DAB1: variants seen among roughly 807,000 people sequenced by gnomAD.
DAB1 encodes the protein DAB adaptor protein 1, also known as disabled homolog 1.
Under a neutral mutation model 64.6 loss-of-function variants are expected in DAB1, and 15 were observed. The observed-to-expected ratio is 0.23, with a 90% confidence interval of 0.16 to 0.36. DAB1 has a LOEUF of 0.36. DAB1 is among the 10% of genes least tolerant of loss of function. The pLI is 1.00. For synonymous variants in DAB1, 235 were observed against 251.9 expected (o/e 0.93, Z 0.64); for missense variants, 596 against 706.7 (o/e 0.84, Z 1.78).
intron 1 of DAB1, among the ~76,000 whole-genome samples, chr1:57,378,405 G>A (rs552572348): frequency 1.4e-4 from 22 of 152,322 alleles, no homozygotes; most frequent in Admixed American, 7.2e-4. Context: ...TGACGAGCTA[G>A]TTTTAAATCC....
chr1:58,305,006 G>T (rs1662273732), intron 4 of DAB1, among the ~76,000 whole-genome samples: 1 of 151,904 alleles, frequency 6.6e-6, no homozygotes, highest in African/African-American at 2.4e-5. Context: ...TAGTGAGGAG[G>T]TCTTGCTATG....
At chr1:57,373,847 A>C (rs776257533) in intron 1 of DAB1, among the ~76,000 whole-genome samples, 1 of 152,176 alleles carries the variant, frequency 6.6e-6, no homozygotes, top group Middle Eastern at 3.2e-3. Flanking sequence ...TGCAAATTAT[A>C]TATCTGTGGC....
chr1:57,166,208 C>G (rs1448220732), intron 2 of DAB1, among the ~76,000 whole-genome samples: 1 of 152,066 alleles, frequency 6.6e-6, no homozygotes, highest in Non-Finnish European at 1.5e-5. Context: ...GTTAAAAAAG[C>G]TTACAATAGA....
At chr1:57,875,903 A>G (rs1334517365) in intron 1 of DAB1, among the ~76,000 whole-genome samples, 1 of 152,150 alleles carries the variant, frequency 6.6e-6, no homozygotes. Context: ...AGACAAAAGG[A>G]CATTTCTGAA....
At chr1:58,064,467 G>A (rs1200870539) in intron 5 of DAB1, among the ~76,000 whole-genome samples, 1 of 152,080 alleles carries the variant, frequency 6.6e-6, no homozygotes, top group East Asian at 1.9e-4. Context: ...GCTGGCCTTG[G>A]GTTAGGCGCT....
In DAB1 at chr1:57,182,128, G is replaced by A. The variant is rs369233669; in HGVS notation, c.68-36699C>T. Among the ~76,000 whole-genome samples, 82 of 152,218 alleles carry A rather than the reference G, an allele frequency of 5.4e-4. 1 individual carries two copies. The highest frequency in any genetic ancestry group is 2.7e-3 in the South Asian group (13 of 4,816). On this transcript the variant is annotated intron_variant, in intron 2 of 14. Coordinates refer to ENST00000371236, the MANE Select transcript of DAB1 (RefSeq NM_001365792.1). The stretch of plus-strand genomic sequence containing the variant: ...TCTCGATCTCCTGACCTTGTGATCT[G>A]CCCGCCTTGGCCTCCCAAATTGTTG...
chr1:56,998,881 T>A (rs1481912859), intron 14 of DAB1, among the ~76,000 whole-genome samples: 1 of 152,192 alleles, frequency 6.6e-6, no homozygotes, highest in African/African-American at 2.4e-5. Context: ...GGAAACAGCG[T>A]TCGGCCCTAT....
At chr1:58,091,109 T>C (rs1047111706) in intron 5 of DAB1, among the ~76,000 whole-genome samples, 4 of 152,196 alleles carry the variant, frequency 2.6e-5, no homozygotes, top group African/African-American at 7.2e-5. Context: ...ACAGACTCCT[T>C]AGCCCCCTCC....
At chr1:58,053,199 A>G (rs1375422429) in intron 5 of DAB1, among the ~76,000 whole-genome samples, 1 of 151,906 alleles carries the variant, frequency 6.6e-6, no homozygotes, top group East Asian at 1.9e-4. Flanking sequence ...ACAAAACCCC[A>G]CTCTTGGTAC....
chr1:57,403,719 A>G (rs2101037825), intron 1 of DAB1, among the ~76,000 whole-genome samples: 1 of 152,346 alleles, frequency 6.6e-6, no homozygotes, highest in East Asian at 1.9e-4. Context: ...ATGGAAAACA[A>G]AATCCCAGCC....
At chr1:57,636,916 G>T (rs1427776095) in intron 7 of DAB1, among the ~76,000 whole-genome samples, 1 of 152,088 alleles carries the variant, frequency 6.6e-6, no homozygotes, top group Non-Finnish European at 1.5e-5. Flanking sequence ...TATAAATATG[G>T]ATAAATATGG....
upstream of DAB1, among the ~76,000 whole-genome samples, chr1:57,884,949 TCCA>T (rs1288367926): frequency 6.6e-6 from 1 of 152,174 alleles, no homozygotes; most frequent in Non-Finnish European, 1.5e-5. Context: ...CCTCTCCCCT[TCCA>T]CCATGAAGGG....
intron 7 of DAB1, among the ~76,000 whole-genome samples, chr1:57,542,798 A>G (rs990798511): frequency 2.0e-5 from 3 of 152,002 alleles, no homozygotes; most frequent in African/African-American, 4.8e-5. Flanking sequence ...CTCTCCCACA[A>G]TGTATCAGGG....
chr1:58,198,759 T>C (rs1657833496), intron 4 of DAB1, among the ~76,000 whole-genome samples: 1 of 152,188 alleles, frequency 6.6e-6, no homozygotes, highest in African/African-American at 2.4e-5. Flanking sequence ...CTTTTGTTTG[T>C]ACTGTAGGAA....
intron 7 of DAB1, among the ~76,000 whole-genome samples, chr1:57,587,734 G>A (rs1481012924): frequency 1.3e-5 from 2 of 152,218 alleles, no homozygotes; most frequent in African/African-American, 2.4e-5. Context: ...CACAATTGAA[G>A]ACACTGAGGC....
intron 4 of DAB1, among the ~76,000 whole-genome samples, chr1:57,076,729 A>C (rs958164855): frequency 2.0e-5 from 3 of 152,190 alleles, no homozygotes; most frequent in African/African-American, 7.2e-5. Context: ...CATAGCTCTG[A>C]CATGTTGCCC....
At chr1:57,528,825 A>G (rs1392470140) in intron 7 of DAB1, among the ~76,000 whole-genome samples, 1 of 152,130 alleles carries the variant, frequency 6.6e-6, no homozygotes, top group Non-Finnish European at 1.5e-5. Flanking sequence ...CAGTAAAAAT[A>G]TTTTTCAAAA....
chr1:57,943,145 C>T (rs1369323014), intron 5 of DAB1, among the ~76,000 whole-genome samples: 2 of 152,322 alleles, frequency 1.3e-5, no homozygotes, highest in South Asian at 2.1e-4. Context: ...TGAAAACCTG[C>T]TGCCTGCCTA....
chr1:57,891,967 C>T (rs1164960493), intron 5 of DAB1, among the ~76,000 whole-genome samples: 1 of 152,154 alleles, frequency 6.6e-6, no homozygotes, highest in Admixed American at 6.6e-5. Flanking sequence ...ACGTTCTGCA[C>T]AAGTATCCCA....
Sources: gnomAD v4.1 joint callset for allele counts (sites outside exome capture counted in the v4.1 genomes callset) on GRCh38, gnomAD v4.1.1 for gene constraint, MANE v1.5 for transcripts, NCBI Gene and HGNC (gene_info 2026-07-23, HGNC 2026-07-21) for gene names.